HECTD2: variants seen among roughly 807,000 people sequenced by gnomAD.
HECTD2 encodes the protein probable E3 ubiquitin-protein ligase HECTD2.
A neutral mutation model predicts 103.2 loss-of-function variants in HECTD2; 35 were observed. The ratio of observed to expected loss-of-function variants is 0.34; its 90% CI spans 0.26 to 0.45. The LOEUF (loss-of-function observed/expected upper bound fraction) is 0.45. Ranked by LOEUF, HECTD2 falls within the 20% of genes least tolerant of loss-of-function variation. HECTD2 has a pLI of 1.00. For synonymous variants in HECTD2, 281 were observed against 329.9 expected (o/e 0.85, Z 1.61); for missense variants, 596 against 937.4 (o/e 0.64, Z 4.76).
At chr10:91,477,560 C>T (rs372442098) in intron 5 of HECTD2, among the ~76,000 whole-genome samples, 23 of 152,194 alleles carry the variant, frequency 1.5e-4, no homozygotes, top group African/African-American at 5.1e-4. Flanking sequence ...AATATATATA[C>T]GTATATGTGT....
At chr10:91,455,611 C>T (rs936602832) in intron 2 of HECTD2, among the ~76,000 whole-genome samples, 3 of 152,038 alleles carry the variant, frequency 2.0e-5, no homozygotes, top group Non-Finnish European at 4.4e-5. Flanking sequence ...CTTTTGTTGC[C>T]ATTGCTTTTT....
chr10:91,428,019 T>G (rs1244308318), intron 2 of HECTD2, among the ~76,000 whole-genome samples: 1 of 151,848 alleles, frequency 6.6e-6, no homozygotes, highest in Non-Finnish European at 1.5e-5. Flanking sequence ...GGTCTAACAT[T>G]TAAGTCTTTA....
Position 91,513,969 on chromosome 10 carries a change from C to A in HECTD2, c.*1585C>A, listed in dbSNP as rs1847521157. 1 of 152,546 alleles carries A rather than the reference C, an allele frequency of 6.6e-6. No individual in the cohort carries two copies. The highest frequency in any genetic ancestry group is 6.5e-5 in the Admixed American group (1 of 15,270). 9.4% of individuals were successfully genotyped at this position (152,546 alleles called of 1,614,324 possible). ...TGGGTATATTATTTCAAGGGTATTT[C>A]TTCTTAAAAATCTTGGAAAGCCTAA... On this transcript the variant is annotated 3_prime_UTR_variant, in exon 21 of 21. Coordinates refer to ENST00000298068, the MANE Select transcript of HECTD2 (RefSeq NM_182765.6).
chr10:91,491,893 G>T (rs1846493590), intron 12 of HECTD2, among the ~76,000 whole-genome samples: 1 of 152,074 alleles, frequency 6.6e-6, no homozygotes, highest in African/African-American at 2.4e-5. Flanking sequence ...CTGGAGTGTA[G>T]TGGTACAATC....
chr10:91,505,257 A>G (rs1051521686), intron 20 of HECTD2, among the ~76,000 whole-genome samples: 5 of 152,070 alleles, frequency 3.3e-5, no homozygotes, highest in Non-Finnish European at 7.4e-5. Flanking sequence ...GACAGGATCA[A>G]ATTCACACAT....
In HECTD2 at chr10:91,485,279, G is replaced by A; in HGVS notation, c.1070G>A (p.Trp357Ter). ...GATCTCATGGAAGAATATCATACTT[G>A]GCAAAACTTTGGAAACTCTCACAGG... The part of the protein sequence containing the change: ...HIDLMEEYHT[W>*]QNFGNSHRFS... Residue 357 changes from tryptophan to a stop codon, truncating the protein, a stop_gained, in exon 10 of 21, where the codon TGG becomes TAG. Transcript: ENST00000298068. LOFTEE classifies it high-confidence loss of function. The A allele has an allele frequency of 6.3e-7, 1 of 1,591,600 alleles. No individual in the cohort carries two copies. Among genetic ancestry groups the A allele is most frequent in the Non-Finnish European group, 8.5e-7 (1 of 1,171,512 alleles).
In HECTD2 at chr10:91,498,338, A is replaced by C. The variant is rs149699666; in HGVS notation, c.1755+156A>C. Reference sequence around the variant, plus strand: ...AGGACCTTAACCTGATAAAGTAGACATGTGTAGATGAGCAGTCAATGAAAG... The same window carrying C: ...AGGACCTTAACCTGATAAAGTAGACCTGTGTAGATGAGCAGTCAATGAAAG... On this transcript the variant is annotated intron_variant, in intron 16 of 20. Coordinates refer to ENST00000298068, the MANE Select transcript of HECTD2 (RefSeq NM_182765.6). 2.0e-3 allele frequency among the ~76,000 whole-genome samples: 302 copies of C among 152,330 alleles called. 1 individual carries two copies. The highest frequency in any genetic ancestry group is 7.0e-3 in the African/African-American group (291 of 41,576).
Position 91,500,593 on chromosome 10 carries a change from A to G in HECTD2, c.2042A>G (p.Tyr681Cys). Residue 681 changes from tyrosine to cysteine, a missense_variant, in exon 19 of 21, where the codon TAT becomes TGT. Transcript: ENST00000298068. The stretch of plus-strand genomic sequence containing the variant: ...CAGAGAAGTACTCAGTATGATGGCT[A>G]TGCAAAAACGGACTTAACTATAAAG... Reference protein sequence around the residue: ...ALQRSTQYDGYAKTDLTIKYF... With the variant: ...ALQRSTQYDGCAKTDLTIKYF... 1.9e-6 allele frequency: 3 copies of G among 1,601,668 alleles called. No homozygotes were observed. Among genetic ancestry groups the G allele is most frequent in the Non-Finnish European group, 2.6e-6 (3 of 1,168,836 alleles).
At chr10:91,491,118 A>C (rs1846462793) in intron 11 of HECTD2, 82 bp from the exon 12 acceptor site, 1 of 654,826 alleles carries the variant, frequency 1.5e-6, no homozygotes, top group African/African-American at 1.9e-5. Flanking sequence ...AATAATTGTT[A>C]TTTTTACTAA....
intron 12 of HECTD2, 81 bp from the exon 13 acceptor site, chr10:91,492,271 A>G: frequency 1.5e-6 from 2 of 1,334,562 alleles, no homozygotes; most frequent in South Asian, 2.5e-5. Flanking sequence ...AAGACTGCCT[A>G]ACACATTTCC....
chr10:91,503,161 G>T (rs897489228), intron 20 of HECTD2, among the ~76,000 whole-genome samples: 2 of 152,206 alleles, frequency 1.3e-5, no homozygotes, highest in African/African-American at 4.8e-5. Flanking sequence ...ATGAAAAAAT[G>T]CTCAACATCA....
At chr10:91,498,254 T>C in intron 16 of HECTD2, 72 bp downstream of exon 16, 1 of 994,452 alleles carries the variant, frequency 1.0e-6, no homozygotes, top group Non-Finnish European at 1.6e-6. Flanking sequence ...TGTTATTAAA[T>C]ACCCACTGTT....
chr10:91,470,124 A>T (rs1400859401), intron 5 of HECTD2, among the ~76,000 whole-genome samples: 1 of 152,206 alleles, frequency 6.6e-6, no homozygotes, highest in Non-Finnish European at 1.5e-5. Flanking sequence ...TAATAGTGGG[A>T]GACTTCAACA....
At chr10:91,455,453 T>C (rs1374791823) in intron 2 of HECTD2, among the ~76,000 whole-genome samples, 1 of 152,180 alleles carries the variant, frequency 6.6e-6, no homozygotes. Context: ...TTTGAGTTCT[T>C]TGTAGATTCT....
chr10:91,457,327 T>C (rs907165331), intron 2 of HECTD2, among the ~76,000 whole-genome samples: 8 of 151,786 alleles, frequency 5.3e-5, no homozygotes, highest in Admixed American at 4.6e-4. Flanking sequence ...ATTACACTGA[T>C]AACAAAACCA....
At chr10:91,500,322 A>C (rs1846851400) in intron 18 of HECTD2, among the ~76,000 whole-genome samples, 180 bp from the exon 19 acceptor site, 1 of 152,218 alleles carries the variant, frequency 6.6e-6, no homozygotes, top group South Asian at 2.1e-4. Context: ...AAACTTCGGA[A>C]GCAAAAATAT....
intron 1 of HECTD2, among the ~76,000 whole-genome samples, chr10:91,415,435 C>T (rs1448890507): frequency 1.3e-5 from 2 of 152,078 alleles, no homozygotes; most frequent in Non-Finnish European, 2.9e-5. Flanking sequence ...TTATTGAGTG[C>T]CTACTCTGTG....
chr10:91,425,174 C>G (rs1843508958), intron 1 of HECTD2, 107 bp from the exon 2 acceptor site: 1 of 903,400 alleles, frequency 1.1e-6, no homozygotes, highest in African/African-American at 1.7e-5. Context: ...TATCTATTAT[C>G]TACTCGTCAT....
At chr10:91,413,295 A>C (rs182509586) in intron 1 of HECTD2, among the ~76,000 whole-genome samples, 476 of 152,304 alleles carry the variant, frequency 3.1e-3, no homozygotes, top group Non-Finnish European at 4.9e-3. Context: ...GGCAGCCCTG[A>C]AGTGTTTTAT....
Sources: allele counts gnomAD v4.1 joint callset (sites outside exome capture counted in the v4.1 genomes callset), GRCh38; gene constraint gnomAD v4.1.1; transcripts MANE v1.5; gene names NCBI Gene and HGNC (gene_info 2026-07-23, HGNC 2026-07-21).